Variants in MAP4K3 observed in about 807,000 individuals in gnomAD.
MAP4K3 encodes mitogen-activated protein kinase kinase kinase kinase 3, also known as MAPK/ERK kinase kinase kinase 3.
Under a neutral mutation model 143.5 loss-of-function variants are expected in MAP4K3, and 94 were observed. The observed-to-expected ratio is 0.65, with a 90% CI of 0.55 to 0.78. MAP4K3 has a LOEUF of 0.78. Among genes scored for constraint, MAP4K3 ranks in the 30% least tolerant of loss-of-function variants. The probability of loss-of-function intolerance (pLI) is 0.00; values close to 1 mark genes in which losing one functional copy is unlikely to be tolerated. For missense variants in MAP4K3, 1,077 were observed against 1,068.1 expected (o/e 1.01, Z -0.12); for synonymous variants, 416 against 347.2 (o/e 1.20, Z -2.20).
chr2:39,398,301 GA>G (rs914088557), intron 1 of MAP4K3, among the ~76,000 whole-genome samples: 4 of 148,902 alleles, frequency 2.7e-5, no homozygotes, highest in East Asian at 2.0e-4. Flanking sequence ...AGTAAAAAAA[GA>G]AAAAAAAAGA....
Position 39,309,521 on chromosome 2 carries a change from TAAAAAAGAA to T in MAP4K3, c.998-11_998-3del, listed in dbSNP as rs771547427. 2 of 911,776 alleles carry T rather than the reference TAAAAAAGAA, an allele frequency of 2.2e-6. No individual in the cohort carries two copies. Among genetic ancestry groups the T allele is most frequent in the Non-Finnish European group, 3.3e-6 (2 of 598,880 alleles). The allele number at this position is 911,776 out of a possible 1,614,324, so 56.5% of individuals were successfully genotyped here. A position where few individuals can be genotyped will look rare whatever the true frequency, so the allele number is the denominator to read the frequency against. On this transcript the variant is annotated splice_polypyrimidine_tract_variant and splice_region_variant and intron_variant, in intron 13 of 33. Transcript: ENST00000263881. ...GTGGATCAAATTTCACTTGGCCAAC[TAAAAAAGAA>T]AAAAAAGTAAAACCAGGATTTTTTT...
At chr2:39,427,342 C>G (rs1453826445) in intron 1 of MAP4K3, among the ~76,000 whole-genome samples, 1 of 151,904 alleles carries the variant, frequency 6.6e-6, no homozygotes, top group East Asian at 1.9e-4. Context: ...AAAAAAAATC[C>G]TACCAAATAC....
chr2:39,297,118 TTTTC>T (rs1190438051), intron 16 of MAP4K3, among the ~76,000 whole-genome samples: 5 of 152,050 alleles, frequency 3.3e-5, no homozygotes, highest in African/African-American at 4.8e-5. Context: ...TAATGTTTTC[TTTTC>T]TTTTTTTTTT....
rs540685358 is a variant in MAP4K3 at position 39,289,670 on chromosome 2, T to C, written c.1314+622A>G. 2.6e-4 allele frequency among the ~76,000 whole-genome samples: 39 copies of C among 152,350 alleles called. 1 individual carries two copies. The highest frequency in any genetic ancestry group is 1.7e-3 in the Admixed American group (26 of 15,302). ...TCATTCTTAGAAGTCAGGAATAGGTTGCAGATTTTGAGAAAAACAATCTTG... is the reference window on the plus strand; with the variant it reads ...TCATTCTTAGAAGTCAGGAATAGGTCGCAGATTTTGAGAAAAACAATCTTG... On this transcript the variant is annotated intron_variant, in intron 19 of 33. Transcript: ENST00000263881.
chr2:39,411,411 T>C (rs367575454), intron 1 of MAP4K3, among the ~76,000 whole-genome samples: 90 of 152,296 alleles, frequency 5.9e-4, no homozygotes, highest in African/African-American at 1.9e-3. Context: ...GATGTGAGCA[T>C]GAGGAAAGAA....
intron 2 of MAP4K3, among the ~76,000 whole-genome samples, chr2:39,358,411 G>C (rs1665672258): frequency 6.6e-6 from 1 of 152,240 alleles, no homozygotes; most frequent in African/African-American, 2.4e-5. Context: ...TGTAAATCCA[G>C]AATATCAGCT....
intron 21 of MAP4K3, among the ~76,000 whole-genome samples, chr2:39,285,508 C>A (rs1158612459): frequency 6.6e-6 from 1 of 152,166 alleles, no homozygotes; most frequent in Non-Finnish European, 1.5e-5. Flanking sequence ...CAAAAAGGCA[C>A]TGCTCAGTTG....
intron 27 of MAP4K3, 137 bp downstream of exon 27, chr2:39,267,052 G>A: frequency 1.3e-6 from 1 of 748,460 alleles, no homozygotes. Flanking sequence ...ACACAGAGAT[G>A]AAACAGCCAA....
chr2:39,272,903 C>T, intron 24 of MAP4K3, among the ~76,000 whole-genome samples: 1 of 151,976 alleles, frequency 6.6e-6, no homozygotes, highest in Non-Finnish European at 1.5e-5. Flanking sequence ...CTCTACTCCT[C>T]CCAAAATAGA....
At chr2:39,428,579 G>A (rs575378203) in intron 1 of MAP4K3, among the ~76,000 whole-genome samples, 27 of 151,982 alleles carry the variant, frequency 1.8e-4, no homozygotes, top group Non-Finnish European at 3.8e-4. Context: ...GGGAGGCTGA[G>A]GCAGGAGAAG....
chr2:39,426,849 A>G (rs1053364339), intron 1 of MAP4K3, among the ~76,000 whole-genome samples: 4 of 152,096 alleles, frequency 2.6e-5, no homozygotes, highest in African/African-American at 9.6e-5. Flanking sequence ...ATGGAGAACT[A>G]TAACAAAGTT....
intron 2 of MAP4K3, among the ~76,000 whole-genome samples, chr2:39,374,519 T>C (rs1170320743): frequency 1.3e-5 from 2 of 151,832 alleles, no homozygotes; most frequent in Admixed American, 1.3e-4. Flanking sequence ...CCGTCTCTAC[T>C]AAAAATACAA....
chr2:39,360,587 C>A (rs1313149750), intron 2 of MAP4K3, among the ~76,000 whole-genome samples: 1 of 152,092 alleles, frequency 6.6e-6, no homozygotes, highest in Non-Finnish European at 1.5e-5. Context: ...TCTCGTGCTG[C>A]TAATAAAGAC....
Position 39,288,206 on chromosome 2 carries a change from G to A in MAP4K3, c.1389C>T (p.Pro463=). 1.2e-6 allele frequency: 2 copies of A among 1,613,972 alleles called. No homozygotes were observed. The highest frequency in any genetic ancestry group is 1.1e-5 in the South Asian group (1 of 91,072). The stretch of plus-strand genomic sequence containing the variant: ...ATGGCTTTGCTGGGCTCCCTGACAT[G>A]GGACATCTCTTGATTGTTCCTTGAT... The part of the protein sequence containing the change: ...DENQGTIKRC[P]MSGSPAKPSQ... The change falls in exon 20 of 34, where the codon CCC becomes CCT. Residue 463 remains proline, a synonymous_variant. Coordinates refer to ENST00000263881, the MANE Select transcript of MAP4K3 (RefSeq NM_003618.4).
At chr2:39,412,565 A>C (rs1326677549) in intron 1 of MAP4K3, among the ~76,000 whole-genome samples, 1 of 152,202 alleles carries the variant, frequency 6.6e-6, no homozygotes, top group Non-Finnish European at 1.5e-5. Flanking sequence ...AATAAAAACA[A>C]ACAAACAAAA....
At chr2:39,317,881 C>G (rs1009909113) in intron 12 of MAP4K3, among the ~76,000 whole-genome samples, 6 of 152,116 alleles carry the variant, frequency 3.9e-5, no homozygotes, top group African/African-American at 1.4e-4. Context: ...ACCATTCAAC[C>G]AAGCAATGCC....
At chr2:39,311,345 C>T (rs1682930534) in intron 13 of MAP4K3, among the ~76,000 whole-genome samples, 2 of 152,182 alleles carry the variant, frequency 1.3e-5, no homozygotes, top group African/African-American at 2.4e-5. Flanking sequence ...TCCTAAAGTG[C>T]TGGGATTACA....
intron 13 of MAP4K3, 29 bp from the exon 14 acceptor site, chr2:39,309,548 ATTTTTTTTTTTTT>A (rs749101883): frequency 7.7e-5 from 26 of 339,386 alleles, no homozygotes; most frequent in East Asian, 2.6e-4. Flanking sequence ...TAAAACCAGG[ATTTTTTTTTTTTT>A]TTTTTTTTTT....
intron 2 of MAP4K3, among the ~76,000 whole-genome samples, chr2:39,367,396 T>C (rs1005628344): frequency 1.3e-5 from 2 of 151,580 alleles, no homozygotes; most frequent in Non-Finnish European, 2.9e-5. Context: ...AAAAATAAGC[T>C]GGGTATGGTG....
Sources: allele counts gnomAD v4.1 joint callset (sites outside exome capture counted in the v4.1 genomes callset), GRCh38; gene constraint gnomAD v4.1.1; transcripts MANE v1.5; gene names NCBI Gene and HGNC (gene_info 2026-07-23, HGNC 2026-07-21).